UBE2Z: variants seen among roughly 807,000 people sequenced by gnomAD.
UBE2Z encodes ubiquitin-conjugating enzyme E2 Z.
Under a neutral mutation model 32.6 loss-of-function variants are expected in UBE2Z, and 10 were observed. The observed-to-expected ratio is 0.31, with a 90% CI of 0.19 to 0.52. The LOEUF (loss-of-function observed/expected upper bound fraction) is 0.52. Among genes scored for constraint, UBE2Z ranks in the 20% least tolerant of loss-of-function variants. The pLI is 0.97. For synonymous variants in UBE2Z, 183 were observed against 190.8 expected, an observed-to-expected ratio of 0.96 and a Z score of 0.34; for missense variants, 343 against 480.9, an observed-to-expected ratio of 0.71 and a Z score of 2.68.
intron 6 of UBE2Z, among the ~76,000 whole-genome samples, chr17:48,925,281 C>CAAAA (rs200181647): frequency 9.2e-6 from 1 of 108,292 alleles, no homozygotes; most frequent in Non-Finnish European, 1.8e-5. Context: ...GACTCCACCT[C>CAAAA]AAAAAAAAAA....
Position 48,922,828 on chromosome 17 carries a change from T to G in UBE2Z, c.804-19T>G. ...GTACCCCTGGGTTTCTCACTTACAC[T>G]TTTCTGCTTGTTTTCCAGAGGGGTG... On this transcript the variant is annotated intron_variant, in intron 5 of 6. Transcript: ENST00000360943. 1 of 1,604,504 alleles carries G rather than the reference T, an allele frequency of 6.2e-7. No individual in the cohort carries two copies.
At chr17:48,915,135 A>C (rs1038548483) in intron 3 of UBE2Z, among the ~76,000 whole-genome samples, 1 of 152,166 alleles carries the variant, frequency 6.6e-6, no homozygotes, top group African/African-American at 2.4e-5. Flanking sequence ...ACTTACTGAC[A>C]AAAGAAATTT....
intron 3 of UBE2Z, among the ~76,000 whole-genome samples, chr17:48,914,882 A>C (rs1231467046): frequency 6.6e-6 from 1 of 152,116 alleles, no homozygotes; most frequent in Non-Finnish European, 1.5e-5. Context: ...TTAGCCAGGC[A>C]TGGTGGCGCA....
intron 3 of UBE2Z, 146 bp from the exon 4 acceptor site, chr17:48,915,930 T>G: frequency 9.5e-6 from 4 of 422,362 alleles, no homozygotes; most frequent in Non-Finnish European, 8.3e-6. Context: ...AACATGAGCA[T>G]GAGACAGAGG....
intron 5 of UBE2Z, 139 bp from the exon 6 acceptor site, chr17:48,922,708 A>C (rs910358561): frequency 3.8e-6 from 2 of 522,130 alleles, no homozygotes; most frequent in Non-Finnish European, 3.4e-6. Flanking sequence ...CAGAGGTCAC[A>C]GTGAGCTGAG....
chr17:48,912,163 C>G lies in UBE2Z; in HGVS notation c.391-671C>G, dbSNP rs2040683373. 4 of 150,826 alleles carry G rather than the reference C, an allele frequency of 2.7e-5. No individual in the cohort carries two copies. The East Asian group carries it at 5.8e-4, about 22-fold the overall frequency. 9.3% of individuals were successfully genotyped at this position (150,826 alleles called of 1,614,324 possible). On this transcript the variant is annotated intron_variant, in intron 2 of 6. Transcript: ENST00000360943. Reference sequence around the variant, plus strand: ...CCCATTTTCAGTCATGATGTGCTGCCTGAGCCACATCCTCCACAATAGGTT... The same window carrying G: ...CCCATTTTCAGTCATGATGTGCTGCGTGAGCCACATCCTCCACAATAGGTT...
chr17:48,918,921 A>G (rs2040740215), intron 4 of UBE2Z, among the ~76,000 whole-genome samples: 1 of 151,694 alleles, frequency 6.6e-6, no homozygotes, highest in Non-Finnish European at 1.5e-5. Context: ...TAATTTTTGT[A>G]TTTGTAGTAG....
At chr17:48,913,642 C>T (rs1252728125) in intron 3 of UBE2Z, among the ~76,000 whole-genome samples, 3 of 152,288 alleles carry the variant, frequency 2.0e-5, no homozygotes, top group South Asian at 2.1e-4. Flanking sequence ...CATGAGCCAC[C>T]GTGCCCGGCC....
chr17:48,923,999 G>A (rs1277944278), intron 6 of UBE2Z, among the ~76,000 whole-genome samples: 1 of 152,188 alleles, frequency 6.6e-6, no homozygotes, highest in African/African-American at 2.4e-5. Context: ...GGGATTACAG[G>A]CATACGCCAT....
chr17:48,927,245 T>A lies in UBE2Z; in HGVS notation c.*111T>A. ...TCTCCCTCCAGACTCGAAGTCATCCTGCAAGATGGCAAGAACCAAGCAAGC... is the reference window on the plus strand; with the variant it reads ...TCTCCCTCCAGACTCGAAGTCATCCAGCAAGATGGCAAGAACCAAGCAAGC... On this transcript the variant is annotated 3_prime_UTR_variant, in exon 7 of 7. Transcript: ENST00000360943. The A allele has an allele frequency of 8.3e-7, 1 of 1,210,158 alleles. No individual in the cohort carries two copies. Among genetic ancestry groups the A allele is most frequent in the Non-Finnish European group, 1.2e-6 (1 of 869,144 alleles). 75.0% of individuals were successfully genotyped at this position (1,210,158 alleles called of 1,614,324 possible).
chr17:48,909,548 AC>A (rs1411927651), intron 1 of UBE2Z, among the ~76,000 whole-genome samples: 1 of 46,070 alleles, frequency 2.2e-5, no homozygotes, highest in Admixed American at 3.2e-4. Context: ...CCCTCCCCCC[AC>A]CCCCCACCCT....
At chr17:48,917,650 G>T (rs1316323542) in intron 4 of UBE2Z, among the ~76,000 whole-genome samples, 1 of 152,188 alleles carries the variant, frequency 6.6e-6, no homozygotes, top group Admixed American at 6.5e-5. Context: ...AGCATGCTCT[G>T]TGCTGGACAC....
Position 48,923,878 on chromosome 17 carries a change from G to A in UBE2Z, c.894+941G>A, listed in dbSNP as rs576738250. 7.2e-5 allele frequency among the ~76,000 whole-genome samples: 11 copies of A among 152,178 alleles called. No individual in the cohort carries two copies. The South Asian group carries it at 1.2e-3, about 17-fold the overall frequency. The stretch of plus-strand genomic sequence containing the variant: ...CTCCCAAGCTGGGACTTACAGGTGT[G>A]CACCACCACAGCTAGTTTTTGTTTT... On this transcript the variant is annotated intron_variant, in intron 6 of 6. Coordinates refer to ENST00000360943, the MANE Select transcript of UBE2Z (RefSeq NM_023079.5).
chr17:48,920,658 G>T (rs1205982199), intron 4 of UBE2Z, among the ~76,000 whole-genome samples: 2 of 151,086 alleles, frequency 1.3e-5, no homozygotes, highest in Admixed American at 1.3e-4. Flanking sequence ...TGATGGTGCC[G>T]CTGCACTCCA....
chr17:48,922,823 T>TA (rs750325701), intron 5 of UBE2Z, 24 bp from the exon 6 acceptor site: 15 of 1,597,882 alleles, frequency 9.4e-6, no homozygotes, highest in Admixed American at 5.0e-5. Flanking sequence ...GTTTCTCACT[T>TA]ACACTTTTCT....
chr17:48,922,538 G>A (rs776743923), intron 5 of UBE2Z, among the ~76,000 whole-genome samples: 2 of 152,134 alleles, frequency 1.3e-5, no homozygotes, highest in Non-Finnish European at 2.9e-5. Context: ...GGAGGCCGAC[G>A]CAGGCAGATC....
chr17:48,922,454 G>A (rs2040766775), intron 5 of UBE2Z, among the ~76,000 whole-genome samples: 1 of 152,128 alleles, frequency 6.6e-6, no homozygotes, highest in African/African-American at 2.4e-5. Context: ...GGGAATGGTA[G>A]GTATTTAATT....
intron 2 of UBE2Z, chr17:48,912,427 A>C: frequency 6.2e-6 from 1 of 161,076 alleles, no homozygotes; most frequent in Non-Finnish European, 1.4e-5. Context: ...TAAAAACGCT[A>C]GGGTTATATT....
At chr17:48,911,167 A>G (rs46521) in intron 2 of UBE2Z, 192,332 of 401,172 alleles carry the variant, frequency 0.48, 50,641 homozygotes, top group East Asian at 0.72. Context: ...ACTCTCAAAA[A>G]TGCTCCTGTT....
Sources: allele counts gnomAD v4.1 joint callset (sites outside exome capture counted in the v4.1 genomes callset), GRCh38; gene constraint gnomAD v4.1.1; transcripts MANE v1.5; gene names NCBI Gene and HGNC (gene_info 2026-07-23, HGNC 2026-07-21).